Variants in PRPF39 observed in about 807,000 individuals in gnomAD.
PRPF39 encodes the protein pre-mRNA processing factor 39, also known as pre-mRNA-processing factor 39.
PRPF39 carries 27 observed loss-of-function variants against 82.1 expected under a neutral mutation model. That is an observed-to-expected ratio of 0.33 (90% CI 0.24 to 0.45). The LOEUF (loss-of-function observed/expected upper bound fraction) is 0.45. Among genes scored for constraint, PRPF39 ranks in the 20% least tolerant of loss-of-function variants. The probability of loss-of-function intolerance (pLI) is 1.00; values close to 1 mark genes in which losing one functional copy is unlikely to be tolerated. For missense variants in PRPF39, 581 were observed against 796.9 expected (o/e 0.73, Z 3.26); for synonymous variants, 261 against 256.4 (o/e 1.02, Z -0.17).
chr14:45,097,975 C>T (rs894661717), intron 4 of PRPF39, among the ~76,000 whole-genome samples: 2 of 152,182 alleles, frequency 1.3e-5, no homozygotes, highest in African/African-American at 2.4e-5. Flanking sequence ...CTTTCTTTCT[C>T]TGTTAGCTGT....
At chr14:45,088,085 T>C (rs1468479852) in intron 1 of PRPF39, among the ~76,000 whole-genome samples, 1 of 152,208 alleles carries the variant, frequency 6.6e-6, no homozygotes, top group East Asian at 1.9e-4. Context: ...CTCTCAAGAA[T>C]TGTGTAATCT....
intron 4 of PRPF39, among the ~76,000 whole-genome samples, chr14:45,102,296 TC>T (rs1884399936): frequency 1.3e-5 from 2 of 152,362 alleles, no homozygotes; most frequent in South Asian, 4.1e-4. Flanking sequence ...TATTTAATTT[TC>T]TATTTGATAA....
intron 7 of PRPF39, 108 bp from the exon 8 acceptor site, chr14:45,109,508 A>C: frequency 1.1e-6 from 1 of 927,518 alleles, no homozygotes; most frequent in Non-Finnish European, 1.5e-6. Flanking sequence ...ATATGATTAA[A>C]AATTTTAATC....
chr14:45,114,311 C>A (rs1332823613), intron 12 of PRPF39, 54 bp downstream of exon 12: 1 of 1,436,546 alleles, frequency 7.0e-7, no homozygotes, highest in Non-Finnish European at 9.6e-7. Flanking sequence ...GAAATGCCTT[C>A]AAAGACAAAT....
chr14:45,100,033 G>C (rs1884324950), intron 4 of PRPF39, among the ~76,000 whole-genome samples: 2 of 152,112 alleles, frequency 1.3e-5, no homozygotes, highest in South Asian at 4.1e-4. Flanking sequence ...TTCGAGACCA[G>C]TCTGGCCAAC....
At chr14:45,113,665 C>T (rs117346700) in intron 11 of PRPF39, among the ~76,000 whole-genome samples, 1,803 of 152,272 alleles carry the variant, frequency 0.012, 13 homozygotes, top group Non-Finnish European at 0.017. Context: ...TGATGTCTCT[C>T]GATCAGAATG....
chr14:45,102,492 C>T (rs1350766217), intron 4 of PRPF39, 37 bp from the exon 5 acceptor site: 1 of 1,489,428 alleles, frequency 6.7e-7, no homozygotes, highest in African/African-American at 1.4e-5. Context: ...GTGATTTTAT[C>T]TTGGAAAGAT....
chr14:45,086,002 A>G (rs756699229), intron 1 of PRPF39, among the ~76,000 whole-genome samples: 1 of 151,592 alleles, frequency 6.6e-6, no homozygotes, highest in Non-Finnish European at 1.5e-5. Context: ...CTGGAGTGCA[A>G]TGGCGCTATT....
chr14:45,087,764 T>C (rs969805623), intron 1 of PRPF39, among the ~76,000 whole-genome samples: 1 of 149,412 alleles, frequency 6.7e-6, no homozygotes, highest in Non-Finnish European at 1.5e-5. Context: ...TTTTTTTGTA[T>C]TTTTAGTAGA....
intron 1 of PRPF39, among the ~76,000 whole-genome samples, chr14:45,085,312 A>G (rs1370029175): frequency 1.3e-5 from 2 of 152,210 alleles, no homozygotes; most frequent in African/African-American, 4.8e-5. Context: ...AAAGAGGACT[A>G]GTACTTAGAT....
Position 45,110,360 on chromosome 14 carries a change from T to G in PRPF39, c.1303+140T>G, listed in dbSNP as rs148948491. 6.1e-4 allele frequency: 803 copies of G among 1,319,022 alleles called. 4 individuals are homozygous for G. In the African/African-American group the frequency reaches 0.011, roughly 18 times the overall value. 81.7% of individuals were successfully genotyped at this position (1,319,022 alleles called of 1,614,324 possible). The stretch of plus-strand genomic sequence containing the variant: ...AAAGGGCCAGATAGTAAAAGCCACG[T>G]GTTCTGACTTTCAGGCTTTGTAAGC... On this transcript the variant is annotated intron_variant, in intron 9 of 13. Coordinates refer to ENST00000355765, the MANE Select transcript of PRPF39 (RefSeq NM_017922.4). This position sits in a 1 kb window ranked among gnomAD's most constrained non-coding sequence, Gnocchi z 4.0.
At chr14:45,114,770 C>G (rs1884791423) in intron 13 of PRPF39, 87 bp from the exon 14 acceptor site, 4 of 1,398,272 alleles carry the variant, frequency 2.9e-6, no homozygotes, top group South Asian at 1.3e-5. Context: ...TGCTTGTTTT[C>G]TTAAACATAG....
intron 4 of PRPF39, among the ~76,000 whole-genome samples, chr14:45,098,483 A>G (rs1353874272): frequency 1.3e-5 from 2 of 151,620 alleles, no homozygotes; most frequent in African/African-American, 4.8e-5. Context: ...TCAAAAACCT[A>G]TAAATATTTT....
At chr14:45,104,045 A>G (rs963553276) in intron 5 of PRPF39, among the ~76,000 whole-genome samples, 1 of 152,156 alleles carries the variant, frequency 6.6e-6, no homozygotes, top group African/African-American at 2.4e-5. Context: ...AGACACAGGG[A>G]GATTAGCATA....
chr14:45,096,116 C>G lies in PRPF39; in HGVS notation c.338C>G (p.Ala113Gly), dbSNP rs530771420. Residue 113 changes from alanine to glycine, a missense_variant, in exon 3 of 14, where the codon GCT becomes GGT. Transcript: ENST00000355765. ...QYVEQENHLM[A>G]ARKAFDRFFI... is the part of the protein sequence containing the mutation. ...TATTTTTATCAGAATCACTTGATGG[C>G]TGCCAGGAAGGCATTTGACAGATTT... is the stretch of plus-strand genomic sequence containing the variant. 1 of 1,572,502 alleles carries G rather than the reference C, an allele frequency of 6.4e-7. No homozygotes were observed. Among genetic ancestry groups the G allele is most frequent in the South Asian group, 1.2e-5 (1 of 85,550 alleles).
intron 1 of PRPF39, among the ~76,000 whole-genome samples, chr14:45,087,660 G>C (rs955376743): frequency 6.6e-6 from 1 of 151,182 alleles, no homozygotes; most frequent in African/African-American, 2.4e-5. Flanking sequence ...TGCAACCTCC[G>C]CCTCCTGGGT....
rs1322869290 is a variant in PRPF39 at position 45,109,636 on chromosome 14, T to C, written c.1032T>C (p.His344=). 3 of 1,605,286 alleles carry C rather than the reference T, an allele frequency of 1.9e-6. No individual in the cohort carries two copies. Among genetic ancestry groups the C allele is most frequent in the African/African-American group, 1.3e-5 (1 of 74,798 alleles). The change falls in exon 8 of 14, where the codon CAT becomes CAC. Residue 344 remains histidine, a synonymous_variant. Coordinates refer to ENST00000355765, the MANE Select transcript of PRPF39 (RefSeq NM_017922.4). ...TTCAGATTAAAAGACCTTACTTTCA[T>C]GTGAAACCTTTGGAAAAGGCACAAC... ...FEEGIKRPYF[H]VKPLEKAQLK...
chr14:45,095,961 C>G (rs762298280), intron 2 of PRPF39, 142 bp from the exon 3 acceptor site: 1 of 602,270 alleles, frequency 1.7e-6, no homozygotes, highest in Admixed American at 3.6e-5. Flanking sequence ...AGGGCTGCTC[C>G]ATCGGCAGAG....
At chr14:45,113,324 C>T (rs1884747751) in intron 11 of PRPF39, among the ~76,000 whole-genome samples, 1 of 152,086 alleles carries the variant, frequency 6.6e-6, no homozygotes, top group African/African-American at 2.4e-5. Flanking sequence ...TGGCATGATG[C>T]CAAATGTTTT....
Sources: allele counts gnomAD v4.1 joint callset (sites outside exome capture counted in the v4.1 genomes callset), GRCh38; gene constraint gnomAD v4.1.1; non-coding constraint Gnocchi (gnomAD v3.1); transcripts MANE v1.5; gene names NCBI Gene and HGNC (gene_info 2026-07-23, HGNC 2026-07-21).